COL23A1: variants seen among roughly 807,000 people sequenced by gnomAD.
The protein encoded by COL23A1 is collagen alpha-1(XXIII) chain.
COL23A1 carries 97 observed loss-of-function variants against 99.3 expected under a neutral mutation model. The observed-to-expected ratio is 0.98, with a 90% CI of 0.83 to 1.16. The LOEUF is 1.16. Among genes scored for constraint, COL23A1 ranks in the 50% most tolerant of loss-of-function variants. The probability of loss-of-function intolerance (pLI) is 0.00; values close to 1 mark genes in which losing one functional copy is unlikely to be tolerated. For synonymous variants in COL23A1, 320 were observed against 308.2 expected (o/e 1.04, Z -0.40); for missense variants, 762 against 757.4 (o/e 1.01, Z -0.07).
intron 2 of COL23A1, among the ~76,000 whole-genome samples, chr5:178,487,793 G>C (rs999524315): frequency 1.6e-4 from 24 of 152,134 alleles, no homozygotes; most frequent in South Asian, 8.3e-4. Flanking sequence ...ATCCTAACTC[G>C]GAACAGCCAG....
chr5:178,338,527 A>G (rs1760473357), intron 2 of COL23A1, among the ~76,000 whole-genome samples: 1 of 130,076 alleles, frequency 7.7e-6, no homozygotes, highest in African/African-American at 3.0e-5. Flanking sequence ...TTGCTCCCCC[A>G]AGAATGGGGG....
At chr5:178,285,441 A>G (rs1192218545) in intron 5 of COL23A1, among the ~76,000 whole-genome samples, 2 of 152,248 alleles carry the variant, frequency 1.3e-5, no homozygotes, top group African/African-American at 4.8e-5. Flanking sequence ...TTTTTCTAAA[A>G]CCGACCATTC....
chr5:178,575,648 T>TCC (rs202072074), intron 1 of COL23A1, among the ~76,000 whole-genome samples: 1,795 of 151,848 alleles, frequency 0.012, 40 homozygotes, highest in African/African-American at 0.041. Flanking sequence ...CCACAGCAGG[T>TCC]CCTGTGCTCT....
intron 1 of COL23A1, among the ~76,000 whole-genome samples, chr5:178,570,528 A>T (rs1243270998): frequency 1.3e-5 from 2 of 152,224 alleles, no homozygotes; most frequent in Non-Finnish European, 2.9e-5. Context: ...CCCACATTTT[A>T]AAAAGACCAG....
At chr5:178,502,902 C>T (rs1327199587) in intron 2 of COL23A1, among the ~76,000 whole-genome samples, 10 of 152,180 alleles carry the variant, frequency 6.6e-5, no homozygotes, top group Admixed American at 4.6e-4. Flanking sequence ...ACACGCTGCA[C>T]GCAGTGTGAC....
chr5:178,401,609 C>A (rs146762704), intron 2 of COL23A1, among the ~76,000 whole-genome samples: 8 of 152,138 alleles, frequency 5.3e-5, no homozygotes, highest in African/African-American at 1.7e-4. Flanking sequence ...TGAATAATGC[C>A]GCTATAAACA....
chr5:178,417,190 A>G (rs1211000879), intron 2 of COL23A1, among the ~76,000 whole-genome samples: 2 of 152,186 alleles, frequency 1.3e-5, no homozygotes, highest in East Asian at 3.8e-4. Flanking sequence ...TTCCCAACGG[A>G]TGGCTCTTCT....
intron 2 of COL23A1, among the ~76,000 whole-genome samples, chr5:178,496,674 G>C (rs1423950274): frequency 6.6e-6 from 1 of 152,168 alleles, no homozygotes; most frequent in East Asian, 1.9e-4. Context: ...CTATGACAAA[G>C]AGGAGGAAGC....
chr5:178,370,808 G>T (rs148957102), intron 2 of COL23A1, among the ~76,000 whole-genome samples: 313 of 152,312 alleles, frequency 2.1e-3, no homozygotes, highest in African/African-American at 7.2e-3. Context: ...CCAGCGTGGT[G>T]GTGTGCACCT....
At chr5:178,354,822 C>A (rs567839047) in intron 2 of COL23A1, among the ~76,000 whole-genome samples, 1 of 151,992 alleles carries the variant, frequency 6.6e-6, no homozygotes, top group Non-Finnish European at 1.5e-5. Flanking sequence ...TTTGGGAGGC[C>A]GAGGCAGATG....
chr5:178,259,795 G>C (rs1308402266), intron 11 of COL23A1, 48 bp from the exon 12 acceptor site: 11 of 1,553,658 alleles, frequency 7.1e-6, no homozygotes, highest in African/African-American at 1.4e-5. Context: ...AACCATAGGA[G>C]AGTGGCCCGG....
intron 5 of COL23A1, 44 bp from the exon 6 acceptor site, chr5:178,270,407 A>G: frequency 6.2e-7 from 1 of 1,610,030 alleles, no homozygotes; most frequent in Non-Finnish European, 8.5e-7. Flanking sequence ...CACGGGGATG[A>G]CACTTCCTCC....
intron 2 of COL23A1, among the ~76,000 whole-genome samples, chr5:178,399,785 T>C (rs547356395): frequency 2.0e-5 from 3 of 152,336 alleles, no homozygotes; most frequent in South Asian, 2.1e-4. Flanking sequence ...GAGGAGATAC[T>C]GAAGTATCCA....
At chr5:178,271,353 G>A (rs1189335846) in intron 5 of COL23A1, among the ~76,000 whole-genome samples, 1 of 152,074 alleles carries the variant, frequency 6.6e-6, no homozygotes, top group African/African-American at 2.4e-5. Flanking sequence ...CCACACTTCT[G>A]AACCTTTGCA....
At chr5:178,360,072 C>T (rs568931687) in intron 2 of COL23A1, among the ~76,000 whole-genome samples, 17 of 152,326 alleles carry the variant, frequency 1.1e-4, no homozygotes, top group Middle Eastern at 3.4e-3. Flanking sequence ...AATTCTCTTC[C>T]GTGGTCCCAT....
intron 2 of COL23A1, among the ~76,000 whole-genome samples, chr5:178,474,358 T>C (rs1362647157): frequency 6.6e-6 from 1 of 152,244 alleles, no homozygotes; most frequent in Admixed American, 6.5e-5. Flanking sequence ...TCCCAAATAT[T>C]TTATGATAAT....
intron 2 of COL23A1, among the ~76,000 whole-genome samples, chr5:178,406,397 T>C (rs557381900): frequency 6.6e-5 from 10 of 152,150 alleles, no homozygotes; most frequent in South Asian, 6.2e-4. Context: ...ATCTCCAAAA[T>C]TGATGACATA....
chr5:178,354,563 A>G (rs1761514702), intron 2 of COL23A1, among the ~76,000 whole-genome samples: 1 of 151,952 alleles, frequency 6.6e-6, no homozygotes, highest in African/African-American at 2.4e-5. Flanking sequence ...CATGACAGTG[A>G]CTGAGTTCTC....
rs1404669133 is a variant in COL23A1, at chr5:178,469,894, T to C, written c.361+90788A>G. Reference sequence around the variant, plus strand: ...AGAGGCCAGAAGGGAGCTTTCGTCATGCTAACTGGGTTTGATTTTTATCTT... The same window carrying C: ...AGAGGCCAGAAGGGAGCTTTCGTCACGCTAACTGGGTTTGATTTTTATCTT... On this transcript the variant is annotated intron_variant, in intron 2 of 28. Transcript: ENST00000390654. Among the ~76,000 whole-genome samples the C allele has an allele frequency of 2.0e-5, 3 of 152,280 alleles. 1 individual carries two copies. The highest frequency in any genetic ancestry group is 7.2e-5 in the African/African-American group (3 of 41,556).
Sources: gnomAD v4.1 joint callset for allele counts (sites outside exome capture counted in the v4.1 genomes callset) on GRCh38, gnomAD v4.1.1 for gene constraint, MANE v1.5 for transcripts, NCBI Gene and HGNC (gene_info 2026-07-23, HGNC 2026-07-21) for gene names.